SIPA1L1: variants seen among roughly 807,000 people sequenced by gnomAD.
SIPA1L1 encodes signal induced proliferation associated 1 like 1.
SIPA1L1 carries 26 observed loss-of-function variants against 162.7 expected under a neutral mutation model. The ratio of observed to expected loss-of-function variants is 0.16; its 90% confidence interval spans 0.12 to 0.22. SIPA1L1 has a LOEUF of 0.22. Among genes scored for constraint, SIPA1L1 ranks in the 10% least tolerant of loss-of-function variants. SIPA1L1 has a pLI of 1.00. For synonymous variants in SIPA1L1, 829 were observed against 837.4 expected (o/e 0.99, Z 0.17); for missense variants, 1,874 against 2,241.0 (o/e 0.84, Z 3.31).
At chr14:71,625,188 T>G (rs1653524984) in intron 7 of SIPA1L1, among the ~76,000 whole-genome samples, 1 of 152,236 alleles carries the variant, frequency 6.6e-6, no homozygotes, top group South Asian at 2.1e-4. Context: ...AATTCAAATT[T>G]TATTAAAATG....
chr14:71,481,251 G>A (rs1228943326), intron 2 of SIPA1L1, among the ~76,000 whole-genome samples: 3 of 152,168 alleles, frequency 2.0e-5, no homozygotes, highest in Admixed American at 6.5e-5. Flanking sequence ...ACCTGAGGTG[G>A]GTGGATAGCT....
At chr14:71,510,703 C>A (rs2051076574) in intron 2 of SIPA1L1, among the ~76,000 whole-genome samples, 1 of 152,126 alleles carries the variant, frequency 6.6e-6, no homozygotes, top group South Asian at 2.1e-4. Flanking sequence ...GTATTTAGCT[C>A]CTCCATCCCT....
At chr14:71,389,771 A>G (rs546409283) in intron 2 of SIPA1L1, among the ~76,000 whole-genome samples, 2 of 152,332 alleles carry the variant, frequency 1.3e-5, no homozygotes, top group East Asian at 3.9e-4. Flanking sequence ...CACATTTAGT[A>G]GAGACTCATC....
chr14:71,451,435 A>G (rs777164716), intron 2 of SIPA1L1, among the ~76,000 whole-genome samples: 20 of 151,954 alleles, frequency 1.3e-4, no homozygotes, highest in Non-Finnish European at 1.2e-4. Flanking sequence ...GGGGTTCAAA[A>G]CCAGCCTGGG....
rs570782426 is a variant in SIPA1L1 at position 71,543,998 on chromosome 14, C to T, written c.-303+14628C>T. Among the ~76,000 whole-genome samples the T allele has an allele frequency of 1.3e-3, 191 of 149,248 alleles. 17 individuals carry two copies. Among genetic ancestry groups the T allele is most frequent in the Non-Finnish European group, 2.3e-3 (158 of 67,334 alleles). Reference sequence around the variant, plus strand: ...ACACACGCACATGTATATATACACACACGCACATGTATATATACACATACG... The same window carrying T: ...ACACACGCACATGTATATATACACATACGCACATGTATATATACACATACG... On this transcript the variant is annotated intron_variant, in intron 4 of 23. Transcript: ENST00000381232.
chr14:71,330,779 C>A, intron 2 of SIPA1L1: 1 of 742,264 alleles, frequency 1.3e-6, no homozygotes. Context: ...GCCCAGTGGG[C>A]TGTCCCTGAC....
In SIPA1L1 at chr14:71,574,045, G is replaced by A. The variant is rs146856658; in HGVS notation, c.-302-13526G>A. 8.4e-3 allele frequency: 1,630 copies of A among 193,002 alleles called. 59 individuals are homozygous for A. The highest frequency in any genetic ancestry group is 0.064 in the Admixed American group (1,183 of 18,366). 12.0% of individuals were successfully genotyped at this position (193,002 alleles called of 1,614,324 possible). A position where few individuals can be genotyped will look rare whatever the true frequency, so the allele number is the denominator to read the frequency against. ...TGGTGTTAGAAGGTAATAACACATAGTGAAATCATGATTTATTTAAAGTAG... is the reference window on the plus strand; with the variant it reads ...TGGTGTTAGAAGGTAATAACACATAATGAAATCATGATTTATTTAAAGTAG... On this transcript the variant is annotated intron_variant, in intron 4 of 23. Transcript: ENST00000381232.
chr14:71,456,931 T>C (rs1195831010), intron 2 of SIPA1L1, among the ~76,000 whole-genome samples: 1 of 152,186 alleles, frequency 6.6e-6, no homozygotes. Context: ...CCATCTGAAA[T>C]CCAAATTTCT....
intron 4 of SIPA1L1, among the ~76,000 whole-genome samples, chr14:71,560,468 G>C (rs1243294465): frequency 6.6e-6 from 1 of 152,192 alleles, no homozygotes; most frequent in African/African-American, 2.4e-5. Flanking sequence ...GGAGTAAGAA[G>C]GTAGCAGGTA....
rs187533233 is a variant in SIPA1L1 at position 71,684,995 on chromosome 14, G to A, written c.3105-367G>A. 3.9e-4 allele frequency among the ~76,000 whole-genome samples: 59 copies of A among 152,250 alleles called. 1 individual carries two copies. In the East Asian group the frequency reaches 0.011, roughly 27 times the overall value. The stretch of plus-strand genomic sequence containing the variant: ...TGTGCAGTGGTGGGTGTGTGAAGCC[G>A]CTTGCTTCCATTGAGACTTCATGCT... On this transcript the variant is annotated intron_variant, in intron 12 of 23. Coordinates refer to ENST00000381232, the MANE Select transcript of SIPA1L1 (RefSeq NM_001386936.1).
intron 2 of SIPA1L1, among the ~76,000 whole-genome samples, chr14:71,345,384 TC>T (rs1267116889): frequency 6.6e-6 from 1 of 152,186 alleles, no homozygotes; most frequent in African/African-American, 2.4e-5. Context: ...AAGGATGTCC[TC>T]ACCTCTGTAG....
intron 4 of SIPA1L1, among the ~76,000 whole-genome samples, chr14:71,571,181 CTGG>C (rs1162158719): frequency 6.6e-6 from 1 of 152,050 alleles, no homozygotes; most frequent in East Asian, 1.9e-4. Flanking sequence ...ATTAAATAAT[CTGG>C]TTGGAAAACG....
At position 71,702,458 on chromosome 14, in the gene SIPA1L1, C is replaced by T; in HGVS notation, c.3599C>T (p.Ser1200Phe). The change falls in exon 15 of 24, where the codon TCC (serine) becomes TTC (phenylalanine). Residue 1200 changes from serine (S) to phenylalanine (F), a missense_variant. Around this residue, in one of 5 missense-constraint regions of SIPA1L1, gnomAD observed 936 missense variants for 1,051.9 expected, o/e 0.89. Coordinates refer to ENST00000381232, the MANE Select transcript of SIPA1L1 (RefSeq NM_001386936.1). ...TQSDIGGSGKSTPSWQRSEDS... is the reference protein window; with the variant it reads ...TQSDIGGSGKFTPSWQRSEDS... ...TCAGATATTGGTGGCAGCGGAAAAT[C>T]CACGCCTAGCTGGCAAAGAAGTGAG... The T allele has an allele frequency of 1.2e-6, 2 of 1,614,172 alleles. No homozygotes were observed. The highest frequency in any genetic ancestry group is 1.7e-6 in the Non-Finnish European group (2 of 1,179,992).
intron 2 of SIPA1L1, among the ~76,000 whole-genome samples, chr14:71,404,108 G>A (rs560422612): frequency 1.8e-4 from 27 of 151,388 alleles, no homozygotes; most frequent in Non-Finnish European, 2.9e-4. Context: ...CTGTTTTGAA[G>A]GTTGGCACTC....
At chr14:71,435,938 A>AT (rs1233826036) in intron 2 of SIPA1L1, among the ~76,000 whole-genome samples, 1 of 151,940 alleles carries the variant, frequency 6.6e-6, no homozygotes, top group Non-Finnish European at 1.5e-5. Context: ...GATGATGAGC[A>AT]TTTTTTCATG....
chr14:71,680,021 C>G (rs987237724), intron 12 of SIPA1L1, among the ~76,000 whole-genome samples: 1 of 152,084 alleles, frequency 6.6e-6, no homozygotes, highest in East Asian at 1.9e-4. Flanking sequence ...TTAGACAGAT[C>G]GAGACAGAAA....
chr14:71,650,458 C>T lies in SIPA1L1; in HGVS notation c.1942C>T (p.Arg648Ter), dbSNP rs1432910352. ...FEEFLQLLGE[R>*]VRLKGFEKYR... is the part of the protein sequence containing the mutation. Reference sequence around the variant, plus strand: ...AGAATTTCTTCAACTATTGGGAGAGCGAGTTCGGCTCAAAGGATTTGAGAA... The same window carrying T: ...AGAATTTCTTCAACTATTGGGAGAGTGAGTTCGGCTCAAAGGATTTGAGAA... The change falls in exon 8 of 24, where the codon CGA (arginine) becomes TGA (stop). Residue 648 changes from arginine (R) to a stop codon, truncating the protein, a stop_gained. Transcript: ENST00000381232. LOFTEE classifies it high-confidence loss of function. 1.9e-6 allele frequency: 3 copies of T among 1,613,848 alleles called. No individual in the cohort carries two copies. Among genetic ancestry groups the T allele is most frequent in the African/African-American group, 1.3e-5 (1 of 74,904 alleles).
rs113997295 is a variant in SIPA1L1 at position 71,728,119 on chromosome 14, G to A, written c.4615-1936G>A. Among the ~76,000 whole-genome samples the A allele has an allele frequency of 6.8e-4, 103 of 152,224 alleles. 1 individual carries two copies. Among genetic ancestry groups the A allele is most frequent in the African/African-American group, 2.4e-3 (100 of 41,532 alleles). On this transcript the variant is annotated intron_variant, in intron 19 of 23. Transcript: ENST00000381232. ...AGGAAATCCCTTTACTAAAACCAGG[G>A]GTGCTGAAAACTATTTAGCAGCAGT... is the stretch of plus-strand genomic sequence containing the variant.
At chr14:71,446,906 GTTTTTT>G (rs1189940440) in intron 2 of SIPA1L1, among the ~76,000 whole-genome samples, 4 of 53,244 alleles carry the variant, frequency 7.5e-5, no homozygotes, top group Non-Finnish European at 1.2e-4. Flanking sequence ...TTTTTTTTTT[GTTTTTT>G]TTTTTTTTTT....
Sources: gnomAD v4.1 joint callset for allele counts (sites outside exome capture counted in the v4.1 genomes callset) on GRCh38, gnomAD v4.1.1 for gene constraint, gnomAD v4.1.1 regional missense constraint, MANE v1.5 for transcripts, NCBI Gene and HGNC (gene_info 2026-07-23, HGNC 2026-07-21) for gene names.